Variants in MAP3K5 observed in about 807,000 individuals in gnomAD.
The protein encoded by MAP3K5 is mitogen-activated protein kinase kinase kinase 5, also known as ASK-1.
In MAP3K5, 56 loss-of-function variants were observed where a neutral mutation model predicts 158.7. That is an observed-to-expected ratio of 0.35 (90% confidence interval 0.28 to 0.44). MAP3K5 has a LOEUF of 0.44. MAP3K5 is among the 20% of genes least tolerant of loss of function. The probability of loss-of-function intolerance (pLI) is 1.00; values close to 1 mark genes in which losing one functional copy is unlikely to be tolerated. For synonymous variants in MAP3K5, 579 were observed against 601.7 expected (o/e 0.96, Z 0.55); for missense variants, 1,294 against 1,674.8 (o/e 0.77, Z 3.97).
chr6:136,593,690 T>G (rs1003259005), intron 21 of MAP3K5: 4 of 409,468 alleles, frequency 9.8e-6, no homozygotes, highest in South Asian at 7.1e-5. Context: ...ATACTGTCCA[T>G]GATCTATCCT....
At position 136,613,302 on chromosome 6, in the gene MAP3K5, C is replaced by T. The variant is rs1181868072; in HGVS notation, c.2279-46G>A. On this transcript the variant is annotated intron_variant, in intron 16 of 29. Coordinates refer to ENST00000359015, the MANE Select transcript of MAP3K5 (RefSeq NM_005923.4). The surrounding 1 kb of genome is among the most constrained non-coding windows in gnomAD (Gnocchi z 4.0). ...GTAAATAAATCCTCATTCAAATGAGCTCTTTAAAGTGTATTAATAATGTAA... is the reference window on the plus strand; with the variant it reads ...GTAAATAAATCCTCATTCAAATGAGTTCTTTAAAGTGTATTAATAATGTAA... 3 of 1,545,816 alleles carry T rather than the reference C, an allele frequency of 1.9e-6. No individual in the cohort carries two copies. In the South Asian group the frequency reaches 3.5e-5, roughly 18 times the overall value.
chr6:136,655,976 T>C (rs1305297405), intron 10 of MAP3K5, among the ~76,000 whole-genome samples: 1 of 152,154 alleles, frequency 6.6e-6, no homozygotes, highest in Non-Finnish European at 1.5e-5. Context: ...TCAACGTGAC[T>C]GCAGTATTAA....
intron 19 of MAP3K5, 123 bp from the exon 20 acceptor site, chr6:136,602,102 T>C: frequency 1.4e-6 from 1 of 720,900 alleles, no homozygotes; most frequent in Non-Finnish European, 2.3e-6. Context: ...CACAAACTTA[T>C]GGCTTTTCTC....
intron 25 of MAP3K5, among the ~76,000 whole-genome samples, chr6:136,576,602 C>G (rs1774630086): frequency 6.6e-6 from 1 of 152,126 alleles, no homozygotes; most frequent in South Asian, 2.1e-4. Context: ...ACACCATGCC[C>G]AACTACAATC....
At chr6:136,598,485 C>T (rs184147348) in intron 21 of MAP3K5, among the ~76,000 whole-genome samples, 35 of 152,310 alleles carry the variant, frequency 2.3e-4, no homozygotes, top group African/African-American at 8.2e-4. Flanking sequence ...CATCCTTATA[C>T]GTTCAGGGCC....
chr6:136,674,739 T>C (rs113762176), intron 7 of MAP3K5, among the ~76,000 whole-genome samples: 2,046 of 151,980 alleles, frequency 0.013, 53 homozygotes, highest in African/African-American at 0.039. Context: ...ACAAGTTGAG[T>C]AACCCTAATA....
intron 25 of MAP3K5, among the ~76,000 whole-genome samples, chr6:136,574,294 G>A (rs1432683679): frequency 2.6e-5 from 4 of 152,184 alleles, no homozygotes; most frequent in Non-Finnish European, 5.9e-5. Context: ...ACTTGTGAGT[G>A]CAGTGTATAA....
chr6:136,655,927 C>G (rs527779434), intron 10 of MAP3K5, among the ~76,000 whole-genome samples: 1 of 152,196 alleles, frequency 6.6e-6, no homozygotes, highest in African/African-American at 2.4e-5. Context: ...AAGCCTGATA[C>G]TTTTCACCAC....
At chr6:136,775,089 A>T (rs1784354822) in intron 1 of MAP3K5, among the ~76,000 whole-genome samples, 1 of 152,196 alleles carries the variant, frequency 6.6e-6, no homozygotes, top group Non-Finnish European at 1.5e-5. Flanking sequence ...TTCAAGAGGG[A>T]ATAGATAGGG....
At chr6:136,636,526 T>C (rs2064205) in intron 14 of MAP3K5, among the ~76,000 whole-genome samples, 105,458 of 152,102 alleles carry the variant, frequency 0.69, 37,493 homozygotes, top group African/African-American at 0.85. Flanking sequence ...GAAGTGTCAT[T>C]CTTCAGACAT....
intron 1 of MAP3K5, among the ~76,000 whole-genome samples, chr6:136,778,688 T>C (rs1784491302): frequency 6.6e-6 from 1 of 152,154 alleles, no homozygotes; most frequent in African/African-American, 2.4e-5. Flanking sequence ...CAGGAGAACA[T>C]AAGTTATAAG....
chr6:136,584,132 C>T (rs925023050), intron 23 of MAP3K5, among the ~76,000 whole-genome samples: 8 of 152,160 alleles, frequency 5.3e-5, no homozygotes, highest in African/African-American at 1.9e-4. Flanking sequence ...GATAACAAAG[C>T]TTTGCCCAAA....
At chr6:136,711,492 C>G (rs1190828717) in intron 2 of MAP3K5, among the ~76,000 whole-genome samples, 1 of 151,970 alleles carries the variant, frequency 6.6e-6, no homozygotes, top group Non-Finnish European at 1.5e-5. Flanking sequence ...CGGCAAAACC[C>G]CATCTCTACA....
At chr6:136,561,373 T>C (rs533398368) in intron 28 of MAP3K5, among the ~76,000 whole-genome samples, 160 bp downstream of exon 28, 2 of 152,342 alleles carry the variant, frequency 1.3e-5, no homozygotes, top group Admixed American at 6.5e-5. Context: ...TCTGTGGAGT[T>C]AGCTGATTAT....
chr6:136,690,026 T>G (rs1780321361), intron 7 of MAP3K5, among the ~76,000 whole-genome samples: 1 of 152,158 alleles, frequency 6.6e-6, no homozygotes, highest in Admixed American at 6.5e-5. Flanking sequence ...GTACATTCCC[T>G]ATCATACTAA....
intron 2 of MAP3K5, among the ~76,000 whole-genome samples, chr6:136,709,637 A>G (rs537648314): frequency 6.6e-5 from 10 of 152,366 alleles, no homozygotes; most frequent in Admixed American, 5.9e-4. Context: ...TAGTGCCAAT[A>G]TGCTATATCT....
chr6:136,573,845 T>C (rs1207829104), intron 25 of MAP3K5, among the ~76,000 whole-genome samples: 2 of 152,028 alleles, frequency 1.3e-5, no homozygotes, highest in Non-Finnish European at 2.9e-5. Context: ...ACCAGCAAGA[T>C]GGGATCAACA....
At chr6:136,771,520 A>G (rs1784198838) in intron 1 of MAP3K5, among the ~76,000 whole-genome samples, 1 of 152,166 alleles carries the variant, frequency 6.6e-6, no homozygotes, top group African/African-American at 2.4e-5. Context: ...GTGACCCAAA[A>G]GTTACTACCC....
At chr6:136,757,575 A>ATTTTTTTTTTTTTTTTTTTTTTTT (rs1266911449) in intron 1 of MAP3K5, among the ~76,000 whole-genome samples, 1 of 111,276 alleles carries the variant, frequency 9.0e-6, no homozygotes, top group African/African-American at 3.3e-5. Flanking sequence ...AGATTTATTT[A>ATTTTTTTTTTTTTTTTTTTTTTTT]TTTATTTTTT....
Sources: gnomAD v4.1 joint callset for allele counts (sites outside exome capture counted in the v4.1 genomes callset) on GRCh38, gnomAD v4.1.1 for gene constraint, Gnocchi (gnomAD v3.1) non-coding constraint, MANE v1.5 for transcripts, NCBI Gene and HGNC (gene_info 2026-07-23, HGNC 2026-07-21) for gene names.